Variants in PLEKHA7 observed in about 807,000 individuals in gnomAD.
The protein encoded by PLEKHA7 is pleckstrin homology domain-containing family A member 7.
In PLEKHA7, 104 loss-of-function variants were observed where a neutral mutation model predicts 170.0. That is an observed-to-expected ratio of 0.61 (90% CI 0.52 to 0.72). The LOEUF is 0.72. PLEKHA7 is among the 30% of genes least tolerant of loss of function. The pLI is 0.00. For missense variants in PLEKHA7, 1,615 were observed against 1,671.7 expected (o/e 0.97, Z 0.59); for synonymous variants, 648 against 660.8 (o/e 0.98, Z 0.30).
At chr11:16,915,500 T>A (rs1265721662) in intron 3 of PLEKHA7, among the ~76,000 whole-genome samples, 2 of 145,006 alleles carry the variant, frequency 1.4e-5, no homozygotes, top group Non-Finnish European at 3.0e-5. Flanking sequence ...CTCCCAATGC[T>A]ATCCCTCCCC....
intron 4 of PLEKHA7, among the ~76,000 whole-genome samples, chr11:16,863,910 C>T (rs567028582): frequency 1.3e-5 from 2 of 152,074 alleles, no homozygotes; most frequent in African/African-American, 4.8e-5. Flanking sequence ...AAATTAGGCC[C>T]CAAGATAAAA....
intron 3 of PLEKHA7, among the ~76,000 whole-genome samples, chr11:16,969,038 C>T (rs7113161): frequency 0.97 from 147,820 of 152,248 alleles, 71,884 homozygotes; most frequent in Non-Finnish European, 1. Context: ...CCCAGAAGGC[C>T]GAGCTTATGG....
At chr11:16,838,450 C>A (rs374085111) in intron 9 of PLEKHA7, among the ~76,000 whole-genome samples, 72 of 150,318 alleles carry the variant, frequency 4.8e-4, no homozygotes, top group Middle Eastern at 6.8e-3. Context: ...GAGTTCGAGG[C>A]TGCAGTGAAC....
intron 3 of PLEKHA7, among the ~76,000 whole-genome samples, chr11:16,890,807 A>T (rs913961871): frequency 6.6e-6 from 1 of 152,232 alleles, no homozygotes; most frequent in Non-Finnish European, 1.5e-5. Context: ...GTCCTGCCTT[A>T]AAATCCATCT....
At chr11:16,790,746 G>A in intron 21 of PLEKHA7, 52 bp downstream of exon 21, 11 of 1,554,942 alleles carry the variant, frequency 7.1e-6, no homozygotes, top group Non-Finnish European at 8.8e-6. Flanking sequence ...CTGAAGGCTG[G>A]AAGCAGTGTG....
intron 17 of PLEKHA7, among the ~76,000 whole-genome samples, chr11:16,798,924 A>C (rs143857356): frequency 1.6e-3 from 242 of 152,372 alleles, no homozygotes; most frequent in African/African-American, 5.5e-3. Context: ...GGAATGGCTA[A>C]ATAAAGTAGA....
At chr11:16,800,650 C>A (rs1448274609) in intron 17 of PLEKHA7, among the ~76,000 whole-genome samples, 3 of 152,196 alleles carry the variant, frequency 2.0e-5, no homozygotes, top group Admixed American at 2.0e-4. Context: ...GGGCCAAGAA[C>A]TACAGGAACA....
chr11:16,963,272 T>G (rs1862177250), intron 3 of PLEKHA7, among the ~76,000 whole-genome samples: 1 of 152,194 alleles, frequency 6.6e-6, no homozygotes, highest in African/African-American at 2.4e-5. Flanking sequence ...TTTAGAGGTA[T>G]GTGTTCCAAT....
rs143436981 is a variant in PLEKHA7, at chr11:16,862,121, A to G, written c.306-6207T>C. 1.2e-4 allele frequency among the ~76,000 whole-genome samples: 18 copies of G among 152,076 alleles called. No homozygotes were observed. In the East Asian group the frequency reaches 3.3e-3, roughly 28 times the overall value. On this transcript the variant is annotated intron_variant, in intron 4 of 26. Transcript: ENST00000531066. ...TTCATTCAGCAACTGTGGTCTCACTACTCAACTATGGCTTATTGTGTTCCT... is the reference window on the plus strand; with the variant it reads ...TTCATTCAGCAACTGTGGTCTCACTGCTCAACTATGGCTTATTGTGTTCCT...
rs1338084155 is a variant in PLEKHA7 at position 16,907,239 on chromosome 11, G to A, written c.222-36057C>T. On this transcript the variant is annotated intron_variant, in intron 3 of 26. Transcript: ENST00000531066. Reference sequence around the variant, plus strand: ...GGGTCATCCCCCCACCTGGCCAGCCGCCCCGTCCGGGAAGGATGTGGGGGG... The same window carrying A: ...GGGTCATCCCCCCACCTGGCCAGCCACCCCGTCCGGGAAGGATGTGGGGGG... Among the ~76,000 whole-genome samples the A allele has an allele frequency of 9.2e-5, 13 of 140,906 alleles. No individual in the cohort carries two copies. In the South Asian group the frequency reaches 1.9e-3, roughly 21 times the overall value. 92.4% of individuals were successfully genotyped at this position (140,906 alleles called of 152,430 possible).
chr11:16,935,962 G>A (rs1417328596), intron 3 of PLEKHA7, among the ~76,000 whole-genome samples: 1 of 152,202 alleles, frequency 6.6e-6, no homozygotes, highest in Non-Finnish European at 1.5e-5. Context: ...GTTGCAGTTT[G>A]AAATGTGTTT....
At chr11:16,844,220 T>C (rs544008494) in intron 8 of PLEKHA7, among the ~76,000 whole-genome samples, 1 of 152,204 alleles carries the variant, frequency 6.6e-6, no homozygotes, top group Non-Finnish European at 1.5e-5. Context: ...ACATGGGACA[T>C]GCCTCAAACA....
chr11:16,803,279 A>T lies in PLEKHA7; in HGVS notation c.2024T>A (p.Leu675His). The T allele has an allele frequency of 6.2e-7, 1 of 1,613,852 alleles. No individual in the cohort carries two copies. The highest frequency in any genetic ancestry group is 8.5e-7 in the Non-Finnish European group (1 of 1,179,714). The change falls in exon 14 of 27, where the codon CTT (leucine) becomes CAT (histidine). Residue 675 changes from leucine to histidine, a missense_variant. Leu to His is a moderately conservative substitution (Grantham distance 99, BLOSUM62 -3). Coordinates refer to ENST00000531066, the MANE Select transcript of PLEKHA7 (RefSeq NM_001329630.2). ...AGGCTTCAGACTTCGATCCTTGAGA[A>T]GGTCCCGGCCTGTCATCTGGGAGGC... ...YLDLKMTGRD[L>H]LKDRSLKPVK...
At chr11:16,963,958 T>G (rs568074753) in intron 3 of PLEKHA7, among the ~76,000 whole-genome samples, 1 of 152,358 alleles carries the variant, frequency 6.6e-6, no homozygotes, top group East Asian at 1.9e-4. Flanking sequence ...CTCTTAGTTA[T>G]CAACAACCCC....
At chr11:16,825,720 A>G (rs1443455818) in intron 10 of PLEKHA7, among the ~76,000 whole-genome samples, 2 of 126,012 alleles carry the variant, frequency 1.6e-5, no homozygotes, top group African/African-American at 5.1e-5. Context: ...TATTTACTCT[A>G]GTTTCTATAA....
chr11:16,792,338 C>A (rs2134241272), intron 19 of PLEKHA7, among the ~76,000 whole-genome samples: 1 of 152,074 alleles, frequency 6.6e-6, no homozygotes, highest in East Asian at 1.9e-4. Context: ...AGAATATTAT[C>A]TAATTTATTT....
chr11:16,992,615 G>C (rs1360086284), intron 3 of PLEKHA7, among the ~76,000 whole-genome samples: 1 of 152,018 alleles, frequency 6.6e-6, no homozygotes, highest in Non-Finnish European at 1.5e-5. Context: ...AATTAGCCAG[G>C]TGTGGTGGCA....
Position 16,881,910 on chromosome 11 carries a change from G to A in PLEKHA7, c.222-10728C>T, listed in dbSNP as rs530701414. ...GCTTGGGATGGCTAAGGTTCTCTCA[G>A]CACCGATTTAACCATGTGGCACTCA... On this transcript the variant is annotated intron_variant, in intron 3 of 26. Coordinates refer to ENST00000531066, the MANE Select transcript of PLEKHA7 (RefSeq NM_001329630.2). Among the ~76,000 whole-genome samples, 3 of 152,284 alleles carry A rather than the reference G, an allele frequency of 2.0e-5. No homozygotes were observed. In the East Asian group the frequency reaches 5.8e-4, roughly 29 times the overall value.
intron 3 of PLEKHA7, among the ~76,000 whole-genome samples, chr11:16,908,108 C>T (rs1363835110): frequency 6.6e-6 from 1 of 151,214 alleles, no homozygotes; most frequent in Non-Finnish European, 1.5e-5. Flanking sequence ...TCTCAAGTAC[C>T]CAGGGACACA....
Sources: gnomAD v4.1 joint callset for allele counts (sites outside exome capture counted in the v4.1 genomes callset) on GRCh38, gnomAD v4.1.1 for gene constraint, MANE v1.5 for transcripts, NCBI Gene and HGNC (gene_info 2026-07-23, HGNC 2026-07-21) for gene names.